Variants in CYP26A1 observed in about 807,000 individuals in gnomAD.
The protein encoded by CYP26A1 is cytochrome P450 26A1.
A neutral mutation model predicts 47.4 loss-of-function variants in CYP26A1; 46 were observed. The ratio of observed to expected loss-of-function variants is 0.97; its 90% CI spans 0.77 to 1.24. The LOEUF is 1.24. Ranked by LOEUF, CYP26A1 falls within the 50% of genes most tolerant of loss-of-function variation. The pLI is 0.00. For missense variants in CYP26A1, 680 were observed against 644.4 expected, an observed-to-expected ratio of 1.06 and a Z score of -0.60; for synonymous variants, 277 against 263.7, an observed-to-expected ratio of 1.05 and a Z score of -0.49.
chr10:93,076,242 T>C (rs1846975873), intron 5 of CYP26A1: 1 of 439,810 alleles, frequency 2.3e-6, no homozygotes, highest in Non-Finnish European at 4.1e-6. Context: ...CTTGAATTGG[T>C]GTGTCCAAGG....
At position 93,077,326 on chromosome 10, in the gene CYP26A1, G is replaced by A; in HGVS notation, c.*22G>A. The A allele has an allele frequency of 7.2e-7, 1 of 1,393,738 alleles. No homozygotes were observed. Among genetic ancestry groups the A allele is most frequent in the Non-Finnish European group, 9.7e-7 (1 of 1,033,254 alleles). 86.3% of individuals were successfully genotyped at this position (1,393,738 alleles called of 1,614,324 possible). ...CTGATGAGCTTGAATGTTCAAACCT[G>A]AGACTTATTGGAAGTGTACATATGA... On this transcript the variant is annotated 3_prime_UTR_variant, in exon 7 of 7. Transcript: ENST00000224356.
chr10:93,074,106 T>G lies in CYP26A1; in HGVS notation c.172T>G (p.Leu58Val), dbSNP rs1280096797. The G allele has an allele frequency of 6.8e-7, 1 of 1,478,254 alleles. No homozygotes were observed. Among genetic ancestry groups the G allele is most frequent in the African/African-American group, 1.4e-5 (1 of 71,660 alleles). The allele number at this position is 1,478,254 out of a possible 1,614,324, so 91.6% of individuals were successfully genotyped here. ...GGGCTTCCCCTTCTTTGGGGAAACC[T>G]TGCAGATGGTACTGCAGGTAAGGGA... ...TMGFPFFGETLQMVLQRRKFL... is the reference protein window; with the variant it reads ...TMGFPFFGETVQMVLQRRKFL... Residue 58 changes from leucine (L) to valine (V), a missense_variant, in exon 1 of 7, where the codon TTG (leucine) becomes GTG (valine). By Grantham distance (32) the Leu-to-Val change is conservative. Coordinates refer to ENST00000224356, the MANE Select transcript of CYP26A1 (RefSeq NM_000783.4). This position sits in a 1 kb window ranked among gnomAD's most constrained non-coding sequence, Gnocchi z 5.3.
At position 93,074,260 on chromosome 10, in the gene CYP26A1, C is replaced by G. The variant is rs771126127; in HGVS notation, c.190-48C>G. On this transcript the variant is annotated intron_variant, in intron 1 of 6. Coordinates refer to ENST00000224356, the MANE Select transcript of CYP26A1 (RefSeq NM_000783.4). The surrounding 1 kb of genome is among the most constrained non-coding windows in gnomAD (Gnocchi z 5.3). Reference sequence around the variant, plus strand: ...CAGGGCTGGCGGGAGCGCGGCGCTCCCCGGCGCCCCCTCATGCCCACTTCT... The same window carrying G: ...CAGGGCTGGCGGGAGCGCGGCGCTCGCCGGCGCCCCCTCATGCCCACTTCT... The G allele has an allele frequency of 2.6e-6, 4 of 1,516,766 alleles. No individual in the cohort carries two copies. The highest frequency in any genetic ancestry group is 3.6e-6 in the Non-Finnish European group (4 of 1,100,460). The allele number at this position is 1,516,766 out of a possible 1,614,324, so 94.0% of individuals were successfully genotyped here.
At chr10:93,073,489 G>A (rs1008188640), upstream of CYP26A1, 3 of 174,046 alleles carry the variant, frequency 1.7e-5, no homozygotes, top group Admixed American at 6.0e-5. Context: ...ACCTGGAAAT[G>A]GAAAGCCAGT....
chr10:93,076,799 G>T (rs1846983607), intron 6 of CYP26A1, 103 bp downstream of exon 6: 1 of 1,005,720 alleles, frequency 9.9e-7, no homozygotes, highest in East Asian at 2.5e-5. Flanking sequence ...TAATTGTTCT[G>T]CCCTATATGG....
Position 93,074,590 on chromosome 10 carries a change from C to A in CYP26A1, c.414+58C>A. 8.2e-7 allele frequency: 1 copy of A among 1,214,562 alleles called. No homozygotes were observed. Among genetic ancestry groups the A allele is most frequent in the Non-Finnish European group, 1.2e-6 (1 of 818,758 alleles). 75.2% of individuals were successfully genotyped at this position (1,214,562 alleles called of 1,614,324 possible). On this transcript the variant is annotated intron_variant, in intron 2 of 6. Coordinates refer to ENST00000224356, the MANE Select transcript of CYP26A1 (RefSeq NM_000783.4). This position sits in a 1 kb window ranked among gnomAD's most constrained non-coding sequence, Gnocchi z 5.3. ...GGGGACCCCATTTATGAGCGGAATT[C>A]CGGCTGATGGATGCTAGGCGCGGGC...
chr10:93,076,633 C>T lies in CYP26A1; in HGVS notation c.1089C>T (p.Thr363=), dbSNP rs1256961897. ...ACATCGGGTGTGTTATTAAGGAGAC[C>T]CTTCGACTGAATCCCCCAGTTCCAG... is the stretch of plus-strand genomic sequence containing the variant. The part of the protein sequence containing the change: ...LKYIGCVIKE[T]LRLNPPVPGG... Residue 363 remains threonine, a synonymous_variant, in exon 6 of 7, where the codon ACC becomes ACT. Transcript: ENST00000224356. 4 of 1,609,522 alleles carry T rather than the reference C, an allele frequency of 2.5e-6. No homozygotes were observed. Among genetic ancestry groups the T allele is most frequent in the Non-Finnish European group, 3.4e-6 (4 of 1,175,898 alleles).
chr10:93,075,769 T>C, intron 4 of CYP26A1, 57 bp from the exon 5 acceptor site: 3 of 1,385,236 alleles, frequency 2.2e-6, no homozygotes, highest in South Asian at 2.3e-5. Context: ...TTCTGAGTAA[T>C]CCTTCTGTCA....
At chr10:93,076,108 G>A in intron 5 of CYP26A1, 148 bp downstream of exon 5, 1 of 636,736 alleles carries the variant, frequency 1.6e-6, no homozygotes. Context: ...GGCAGAATTA[G>A]CTTTGTGAAT....
intron 6 of CYP26A1, 92 bp from the exon 7 acceptor site, chr10:93,076,871 A>G: frequency 9.6e-7 from 1 of 1,042,916 alleles, no homozygotes; most frequent in Non-Finnish European, 1.4e-6. Context: ...CTTTTAGCTC[A>G]TAATTTCCCC....
At chr10:93,076,859 T>A in intron 6 of CYP26A1, 104 bp from the exon 7 acceptor site, 1 of 959,896 alleles carries the variant, frequency 1.0e-6, no homozygotes. Flanking sequence ...ACCTCTCCCT[T>A]GCTTTTAGCT....
upstream of CYP26A1, chr10:93,073,767 G>T (rs897179422): frequency 1.2e-5 from 7 of 568,200 alleles, no homozygotes; most frequent in African/African-American, 1.0e-4. Context: ...GCGCCTCGCG[G>T]GGGGAGGAGC....
At chr10:93,073,766 G>A (rs1176105594), upstream of CYP26A1, 3 of 565,334 alleles carry the variant, frequency 5.3e-6, no homozygotes, top group East Asian at 3.1e-5. Flanking sequence ...AGCGCCTCGC[G>A]GGGGGAGGAG....
chr10:93,075,303 T>C lies in CYP26A1; in HGVS notation c.860T>C (p.Met287Thr). Reference sequence around the variant, plus strand: ...TGGGAGAGGGGAGAGCGGCTGGACATGCAGGTGAGTAGCAGCTTCAGACCA... The same window carrying C: ...TGGGAGAGGGGAGAGCGGCTGGACACGCAGGTGAGTAGCAGCTTCAGACCA... Reference protein sequence around the residue: ...HSWERGERLDMQALKQSSTEL... With the variant: ...HSWERGERLDTQALKQSSTEL... The change falls in exon 4 of 7, where the codon ATG becomes ACG. Residue 287 changes from methionine (M) to threonine (T), a missense_variant. Physicochemically the swap from Met to Thr is moderately conservative, Grantham distance 81 (BLOSUM62 -1). Coordinates refer to ENST00000224356, the MANE Select transcript of CYP26A1 (RefSeq NM_000783.4). 1 of 1,613,540 alleles carries C rather than the reference T, an allele frequency of 6.2e-7. No homozygotes were observed. The highest frequency in any genetic ancestry group is 1.3e-5 in the African/African-American group (1 of 75,056).
intron 6 of CYP26A1, 66 bp downstream of exon 6, chr10:93,076,762 C>A: frequency 3.2e-6 from 4 of 1,230,814 alleles, no homozygotes; most frequent in Non-Finnish European, 4.6e-6. Flanking sequence ...CTTCCCTATG[C>A]TGTGGCTGCA....
rs200286083 is a variant in CYP26A1 at position 93,074,759 on chromosome 10, G to C, written c.415-20G>C. On this transcript the variant is annotated intron_variant, in intron 2 of 6. Coordinates refer to ENST00000224356, the MANE Select transcript of CYP26A1 (RefSeq NM_000783.4). The surrounding 1 kb of genome is among the most constrained non-coding windows in gnomAD (Gnocchi z 5.3). Reference sequence around the variant, plus strand: ...GGGGCGGATGGAGGCTTTTAACGCTGTCCCCTCCTCGGGACTCAGGTGATT... The same window carrying C: ...GGGGCGGATGGAGGCTTTTAACGCTCTCCCCTCCTCGGGACTCAGGTGATT... 6.3e-7 allele frequency: 1 copy of C among 1,585,010 alleles called. No homozygotes were observed. Among genetic ancestry groups the C allele is most frequent in the Non-Finnish European group, 8.6e-7 (1 of 1,169,146 alleles).
chr10:93,073,738 C>A (rs1434680026), upstream of CYP26A1: 1 of 559,686 alleles, frequency 1.8e-6, no homozygotes, highest in Non-Finnish European at 3.1e-6. Flanking sequence ...GCGGAACAAA[C>A]GGTTAAAGAT....
At position 93,075,150 on chromosome 10, in the gene CYP26A1, G is replaced by T. The variant is rs1421679294; in HGVS notation, c.707G>T (p.Gly236Val). The T allele has an allele frequency of 2.5e-6, 4 of 1,613,296 alleles. No individual in the cohort carries two copies. Among genetic ancestry groups the T allele is most frequent in the Non-Finnish European group, 3.4e-6 (4 of 1,179,872 alleles). Residue 236 changes from glycine (G) to valine (V), a missense_variant and splice_region_variant, in exon 4 of 7, where the codon GGC (glycine) becomes GTC (valine). Gly to Val is a moderately radical substitution (Grantham distance 109, BLOSUM62 -3). Coordinates refer to ENST00000224356, the MANE Select transcript of CYP26A1 (RefSeq NM_000783.4). Reference sequence around the variant, plus strand: ...CCGCCGCGCGCTCTCTGCGCTCAGGGCATGAAGGCGCGGAACCTCATTCAC... The same window carrying T: ...CCGCCGCGCGCTCTCTGCGCTCAGGTCATGAAGGCGCGGAACCTCATTCAC... Reference protein sequence around the residue: ...IDVPFSGLYRGMKARNLIHAR... With the variant: ...IDVPFSGLYRVMKARNLIHAR...
chr10:93,074,114 G>A lies in CYP26A1; in HGVS notation c.180G>A (p.Met60Ile). 2.4e-6 allele frequency: 3 copies of A among 1,262,884 alleles called. No individual in the cohort carries two copies. In the South Asian group the frequency reaches 3.8e-5, roughly 16 times the overall value. 78.2% of individuals were successfully genotyped at this position (1,262,884 alleles called of 1,614,324 possible). ...CCTTCTTTGGGGAAACCTTGCAGAT[G>A]GTACTGCAGGTAAGGGAGGGTGGGG... ...GFPFFGETLQ[M>I]VLQRRKFLQM... The change falls in exon 1 of 7, where the codon ATG becomes ATA. Residue 60 changes from methionine (M) to isoleucine (I), a missense_variant. By Grantham distance (10) the Met-to-Ile change is conservative. Transcript: ENST00000224356. This position sits in a 1 kb window ranked among gnomAD's most constrained non-coding sequence, Gnocchi z 5.3.
Sources: allele counts gnomAD v4.1 joint callset, GRCh38; gene constraint gnomAD v4.1.1; non-coding constraint Gnocchi (gnomAD v3.1); transcripts MANE v1.5; gene names NCBI Gene and HGNC (gene_info 2026-07-23, HGNC 2026-07-21).